CDH20: variants seen among roughly 807,000 people sequenced by gnomAD.
CDH20 encodes the protein cadherin-20.
CDH20 carries 29 observed loss-of-function variants against 74.2 expected under a neutral mutation model. The observed-to-expected ratio is 0.39, with a 90% CI of 0.29 to 0.53. CDH20 has a LOEUF of 0.53. CDH20 is among the 20% of genes least tolerant of loss of function. The pLI is 0.69. For missense variants in CDH20, 988 were observed against 1,048.3 expected (o/e 0.94, Z 0.79); for synonymous variants, 469 against 405.4 (o/e 1.16, Z -1.88).
intron 1 of CDH20, among the ~76,000 whole-genome samples, chr18:61,482,828 A>G (rs1028682263): frequency 1.3e-5 from 2 of 152,130 alleles, no homozygotes; most frequent in African/African-American, 4.8e-5. Flanking sequence ...AAAAACCTTC[A>G]GTTGCTCACT....
At chr18:61,462,244 G>A (rs1012091027) in intron 1 of CDH20, among the ~76,000 whole-genome samples, 3 of 152,080 alleles carry the variant, frequency 2.0e-5, no homozygotes, top group Non-Finnish European at 4.4e-5. Context: ...GCTTGCTTTA[G>A]TCATTTCACA....
chr18:61,478,322 T>A (rs897651596), intron 1 of CDH20, among the ~76,000 whole-genome samples: 2 of 152,218 alleles, frequency 1.3e-5, no homozygotes, highest in African/African-American at 2.4e-5. Flanking sequence ...ATGTTGAGCA[T>A]AAAGATTTCT....
intron 2 of CDH20, among the ~76,000 whole-genome samples, chr18:61,491,985 G>A (rs1432441389): frequency 6.6e-6 from 1 of 151,858 alleles, no homozygotes; most frequent in Non-Finnish European, 1.5e-5. Flanking sequence ...CTCATTCCCT[G>A]GGTGGACTCG....
chr18:61,403,234 A>T (rs1009987563), intron 1 of CDH20, among the ~76,000 whole-genome samples: 1 of 152,152 alleles, frequency 6.6e-6, no homozygotes, highest in African/African-American at 2.4e-5. Context: ...TGATCCATGC[A>T]TTTCTGGGAT....
In CDH20 at chr18:61,444,424, T is replaced by G. The variant is rs1485203003; in HGVS notation, c.-152-45978T>G. Among the ~76,000 whole-genome samples, 9 of 152,250 alleles carry G rather than the reference T, an allele frequency of 5.9e-5. No homozygotes were observed. The East Asian group carries it at 1.7e-3, about 29-fold the overall frequency. The stretch of plus-strand genomic sequence containing the variant: ...TTTATGTCCAGACCAAAAGGGATGT[T>G]CAATGGCTATTAAATATGGTATGGG... On this transcript the variant is annotated intron_variant, in intron 1 of 11. Transcript: ENST00000262717.
intron 1 of CDH20, among the ~76,000 whole-genome samples, chr18:61,381,050 C>T (rs187619618): frequency 9.2e-5 from 14 of 152,236 alleles, no homozygotes; most frequent in Non-Finnish European, 7.3e-5. Flanking sequence ...CATAAATCTG[C>T]CAGCCCCTAA....
At position 61,554,515 on chromosome 18, in the gene CDH20, C is replaced by A. The variant is rs765516266; in HGVS notation, c.2226C>A (p.Phe742Leu). 5.6e-6 allele frequency: 9 copies of A among 1,612,888 alleles called. No individual in the cohort carries two copies. Among genetic ancestry groups the A allele is most frequent in the Non-Finnish European group, 6.8e-6 (8 of 1,179,802 alleles). Residue 742 changes from phenylalanine (F) to leucine (L), a missense_variant, in exon 12 of 12, where the codon TTC (phenylalanine) becomes TTA (leucine). Transcript: ENST00000262717. ...EADMDLWAPP[F>L]DSLQTYMFEG... Reference sequence around the variant, plus strand: ...ACATGGACCTGTGGGCACCGCCCTTCGACTCCCTCCAGACGTATATGTTCG... The same window carrying A: ...ACATGGACCTGTGGGCACCGCCCTTAGACTCCCTCCAGACGTATATGTTCG...
chr18:61,382,532 G>C (rs1444969170), intron 1 of CDH20, among the ~76,000 whole-genome samples: 2 of 152,178 alleles, frequency 1.3e-5, no homozygotes, highest in African/African-American at 2.4e-5. Flanking sequence ...TGTGGTAACA[G>C]GGTTAAGTAT....
chr18:61,359,103 T>G (rs1018414356), intron 1 of CDH20, among the ~76,000 whole-genome samples: 11 of 152,196 alleles, frequency 7.2e-5, no homozygotes, highest in Admixed American at 2.6e-4. Context: ...CAGACAAATC[T>G]CTAAATCTTT....
At chr18:61,397,588 G>A (rs1912026672) in intron 1 of CDH20, among the ~76,000 whole-genome samples, 1 of 152,060 alleles carries the variant, frequency 6.6e-6, no homozygotes, top group Non-Finnish European at 1.5e-5. Flanking sequence ...ATCATTTTTT[G>A]TTTCTTTCTT....
chr18:61,511,545 TG>T (rs1407319188), intron 6 of CDH20, among the ~76,000 whole-genome samples: 1 of 152,144 alleles, frequency 6.6e-6, no homozygotes, highest in Non-Finnish European at 1.5e-5. Flanking sequence ...AAAGAACTTT[TG>T]GGATTCTCAA....
intron 11 of CDH20, 32 bp from the exon 12 acceptor site, chr18:61,554,158 G>A (rs74862448): frequency 6.3e-7 from 1 of 1,585,452 alleles, no homozygotes; most frequent in Non-Finnish European, 8.6e-7. Context: ...ACATCTCCTC[G>A]GTAAACACAC....
intron 1 of CDH20, among the ~76,000 whole-genome samples, chr18:61,418,896 AT>A (rs1203722878): frequency 6.6e-6 from 1 of 151,882 alleles, no homozygotes; most frequent in Non-Finnish European, 1.5e-5. Flanking sequence ...TGTTTTATGG[AT>A]TTTTTCCATA....
chr18:61,506,480 A>C (rs1911564310), intron 5 of CDH20, among the ~76,000 whole-genome samples: 1 of 152,230 alleles, frequency 6.6e-6, no homozygotes, highest in Admixed American at 6.5e-5. Flanking sequence ...AAAGCATATT[A>C]GAATAAAAGG....
intron 9 of CDH20, among the ~76,000 whole-genome samples, chr18:61,544,139 C>T (rs954104016): frequency 4.6e-5 from 7 of 152,324 alleles, no homozygotes; most frequent in African/African-American, 7.2e-5. Context: ...AGGGAAGTTT[C>T]ACATGGAACG....
chr18:61,486,394 G>A (rs1045125105), intron 1 of CDH20, among the ~76,000 whole-genome samples: 7 of 152,096 alleles, frequency 4.6e-5, no homozygotes, highest in African/African-American at 1.4e-4. Flanking sequence ...TGAAATACAC[G>A]AACAACTTTT....
intron 1 of CDH20, among the ~76,000 whole-genome samples, chr18:61,342,278 G>A (rs1049196376): frequency 6.6e-6 from 1 of 152,124 alleles, no homozygotes; most frequent in African/African-American, 2.4e-5. Context: ...CATTTATTTA[G>A]CCATACCTCT....
chr18:61,391,075 A>G (rs1599053829), intron 1 of CDH20, among the ~76,000 whole-genome samples: 1 of 152,294 alleles, frequency 6.6e-6, no homozygotes, highest in Non-Finnish European at 1.5e-5. Flanking sequence ...TCTAGCAAAC[A>G]CTTTTGCTAT....
rs992788333 is a variant in CDH20, at chr18:61,555,640, A to G, written c.*945A>G. 3 of 982,682 alleles carry G rather than the reference A, an allele frequency of 3.1e-6. No homozygotes were observed. Among genetic ancestry groups the G allele is most frequent in the African/African-American group, 3.5e-5 (2 of 57,200 alleles). The allele number at this position is 982,682 out of a possible 1,614,324, so 60.9% of individuals were successfully genotyped here. On this transcript the variant is annotated 3_prime_UTR_variant, in exon 12 of 12. Coordinates refer to ENST00000262717, the MANE Select transcript of CDH20 (RefSeq NM_031891.4). ...TAGATAACCTACTTGAACAAAAATC[A>G]GTATTATAGAGAATAAATGGATGTA...
Sources: allele counts gnomAD v4.1 joint callset (sites outside exome capture counted in the v4.1 genomes callset), GRCh38; gene constraint gnomAD v4.1.1; transcripts MANE v1.5; gene names NCBI Gene and HGNC (gene_info 2026-07-23, HGNC 2026-07-21).